MORN5: variants seen among roughly 807,000 people sequenced by gnomAD.
MORN5 encodes the protein MORN repeat containing 5.
A neutral mutation model predicts 22.1 loss-of-function variants in MORN5; 21 were observed. The ratio of observed to expected loss-of-function variants is 0.95; its 90% CI spans 0.67 to 1.37. The LOEUF (loss-of-function observed/expected upper bound fraction) is 1.37, where lower values mean the gene tolerates loss of function less well. MORN5 is among the 40% of genes most tolerant of loss of function. MORN5 has a pLI of 0.00. For missense variants in MORN5, 211 were observed against 215.1 expected (o/e 0.98, Z 0.12); for synonymous variants, 73 against 74.0 (o/e 0.99, Z 0.07).
chr9:122,189,131 G>A (rs1829703191), intron 4 of MORN5, among the ~76,000 whole-genome samples: 1 of 151,822 alleles, frequency 6.6e-6, no homozygotes, highest in South Asian at 2.1e-4. Context: ...GGAAATGGAG[G>A]TTGCAGTGAG....
chr9:122,178,813 G>A (rs1324189616), intron 4 of MORN5, among the ~76,000 whole-genome samples: 1 of 152,172 alleles, frequency 6.6e-6, no homozygotes, highest in African/African-American at 2.4e-5. Context: ...AGTTTTTTAT[G>A]AACTTTTACT....
chr9:122,164,033 C>T (rs575258486), intron 1 of MORN5, among the ~76,000 whole-genome samples: 9 of 152,270 alleles, frequency 5.9e-5, no homozygotes, highest in East Asian at 3.9e-4. Flanking sequence ...CACAGATATG[C>T]GCCACCATGC....
chr9:122,198,854 T>C (rs1251753426), intron 4 of MORN5, among the ~76,000 whole-genome samples: 1 of 152,182 alleles, frequency 6.6e-6, no homozygotes, highest in Non-Finnish European at 1.5e-5. Flanking sequence ...AGAATAGATC[T>C]TGAGTGAAAG....
chr9:122,178,456 C>A (rs933026864), intron 4 of MORN5, among the ~76,000 whole-genome samples: 1 of 152,172 alleles, frequency 6.6e-6, no homozygotes. Context: ...CCACTGCACT[C>A]CAGCCTGGGT....
At chr9:122,191,294 G>A (rs1452817852) in intron 4 of MORN5, among the ~76,000 whole-genome samples, 1 of 152,222 alleles carries the variant, frequency 6.6e-6, no homozygotes, top group East Asian at 1.9e-4. Context: ...TTATGCTGGT[G>A]TGAGAGCAGT....
chr9:122,185,430 T>C (rs1247128120), intron 4 of MORN5, among the ~76,000 whole-genome samples: 1 of 144,220 alleles, frequency 6.9e-6, no homozygotes, highest in South Asian at 2.3e-4. Flanking sequence ...GGTTTCACCA[T>C]GTAGCCAGGA....
At chr9:122,188,100 G>A (rs909022644) in intron 4 of MORN5, among the ~76,000 whole-genome samples, 1 of 152,212 alleles carries the variant, frequency 6.6e-6, no homozygotes, top group African/African-American at 2.4e-5. Context: ...GTCTCAGTGA[G>A]GCATTCAAGG....
chr9:122,181,136 A>T (rs1829532955), intron 4 of MORN5, among the ~76,000 whole-genome samples: 2 of 152,252 alleles, frequency 1.3e-5, no homozygotes, highest in Non-Finnish European at 2.9e-5. Context: ...GTCTTAACCC[A>T]GTGGCTCTCA....
At chr9:122,175,784 A>C (rs1829441317) in intron 4 of MORN5, 4 of 845,710 alleles carry the variant, frequency 4.7e-6, no homozygotes, top group African/African-American at 3.6e-5. Context: ...TCAGTAAGTC[A>C]GTGATGACCA....
At chr9:122,178,457 C>T (rs1460654084) in intron 4 of MORN5, among the ~76,000 whole-genome samples, 2 of 152,158 alleles carry the variant, frequency 1.3e-5, no homozygotes, top group Admixed American at 1.3e-4. Context: ...CACTGCACTC[C>T]AGCCTGGGTG....
At chr9:122,176,237 A>G (rs1829450102) in intron 4 of MORN5, among the ~76,000 whole-genome samples, 1 of 151,780 alleles carries the variant, frequency 6.6e-6, no homozygotes, top group African/African-American at 2.4e-5. Context: ...AAATGCTCAC[A>G]CTCCAAGTCC....
chr9:122,163,127 A>G (rs1405348547), intron 1 of MORN5, among the ~76,000 whole-genome samples: 1 of 152,170 alleles, frequency 6.6e-6, no homozygotes, highest in East Asian at 1.9e-4. Flanking sequence ...TGAGTTCTAG[A>G]TAACTCCACT....
intron 4 of MORN5, among the ~76,000 whole-genome samples, chr9:122,193,021 G>A (rs1829805190): frequency 6.6e-6 from 1 of 152,208 alleles, no homozygotes. Context: ...AGGCTGGAGG[G>A]GGTGACTACA....
In MORN5 at chr9:122,177,669, G is replaced by A. The variant is rs544562410; in HGVS notation, c.439+3042G>A. On this transcript the variant is annotated intron_variant, in intron 4 of 4. Transcript: ENST00000373764. ...GCTGGTCTTGAACTACTGACCTCAGGTGATCCATCCACCTCGGCCTCCCAA... is the reference window on the plus strand; with the variant it reads ...GCTGGTCTTGAACTACTGACCTCAGATGATCCATCCACCTCGGCCTCCCAA... Among the ~76,000 whole-genome samples the A allele has an allele frequency of 8.2e-4, 125 of 152,246 alleles. 1 individual carries two copies. In the Middle Eastern group the frequency reaches 0.01, roughly 12 times the overall value.
chr9:122,178,644 T>C (rs545426314), intron 4 of MORN5, among the ~76,000 whole-genome samples: 1 of 152,368 alleles, frequency 6.6e-6, no homozygotes, highest in East Asian at 1.9e-4. Context: ...TTAATATTCA[T>C]AAATTCCTTC....
At chr9:122,178,436 C>G (rs560533281) in intron 4 of MORN5, among the ~76,000 whole-genome samples, 1 of 152,164 alleles carries the variant, frequency 6.6e-6, no homozygotes, top group Non-Finnish European at 1.5e-5. Context: ...TTGTGGTGAG[C>G]CGAGATCCGC....
chr9:122,172,613 A>T (rs1185876409), intron 3 of MORN5, among the ~76,000 whole-genome samples: 1 of 152,118 alleles, frequency 6.6e-6, no homozygotes, highest in Admixed American at 6.5e-5. Flanking sequence ...CACACTAGGT[A>T]AGGTCTCCCT....
At chr9:122,167,234 G>A (rs1216233318) in intron 2 of MORN5, among the ~76,000 whole-genome samples, 3 of 151,142 alleles carry the variant, frequency 2.0e-5, no homozygotes, top group Non-Finnish European at 4.4e-5. Context: ...TTTTAGTAGA[G>A]ATTGGGTTTC....
chr9:122,167,353 C>T (rs1315154435), intron 2 of MORN5, among the ~76,000 whole-genome samples: 4 of 104,550 alleles, frequency 3.8e-5, no homozygotes, highest in East Asian at 2.4e-4. Flanking sequence ...CGCACCTGAC[C>T]TTTTTTTTTT....
Sources: allele counts gnomAD v4.1 joint callset (sites outside exome capture counted in the v4.1 genomes callset), GRCh38; gene constraint gnomAD v4.1.1; transcripts MANE v1.5; gene names NCBI Gene and HGNC (gene_info 2026-07-23, HGNC 2026-07-21).